Variants in CAMK2A observed in about 807,000 individuals in gnomAD.
CAMK2A encodes the protein calcium/calmodulin dependent protein kinase II alpha.
In CAMK2A, 7 loss-of-function variants were observed where a neutral mutation model predicts 79.2. The observed-to-expected ratio is 0.09, with a 90% CI of 0.05 to 0.17. The LOEUF (loss-of-function observed/expected upper bound fraction) is 0.17. Among genes scored for constraint, CAMK2A ranks in the 10% least tolerant of loss-of-function variants. CAMK2A has a pLI of 1.00. For missense variants in CAMK2A, 214 were observed against 646.4 expected (o/e 0.33, Z 7.25); for synonymous variants, 242 against 251.7 (o/e 0.96, Z 0.36).
At chr5:150,259,896 G>A (rs1756228621) in intron 3 of CAMK2A, among the ~76,000 whole-genome samples, 1 of 152,050 alleles carries the variant, frequency 6.6e-6, no homozygotes, top group Admixed American at 6.6e-5. Context: ...TTGAACCCAG[G>A]AGACGGAGGT....
At chr5:150,243,695 C>T (rs893032557) in intron 13 of CAMK2A, among the ~76,000 whole-genome samples, 49 of 152,218 alleles carry the variant, frequency 3.2e-4, no homozygotes, top group African/African-American at 1.2e-3. Flanking sequence ...GTGTGTATTA[C>T]ATACCAGCAC....
intron 13 of CAMK2A, among the ~76,000 whole-genome samples, chr5:150,243,868 A>T (rs914577165): frequency 6.6e-6 from 1 of 152,150 alleles, no homozygotes; most frequent in Non-Finnish European, 1.5e-5. Context: ...GGCTCTCTTC[A>T]CCATGATCAT....
intron 3 of CAMK2A, among the ~76,000 whole-genome samples, chr5:150,263,697 T>G (rs558131362): frequency 6.6e-6 from 1 of 152,292 alleles, no homozygotes; most frequent in African/African-American, 2.4e-5. Context: ...CTCCTTCCAC[T>G]GGAGCTGGTA....
At chr5:150,285,501 G>A (rs1757387675) in intron 1 of CAMK2A, among the ~76,000 whole-genome samples, 1 of 152,214 alleles carries the variant, frequency 6.6e-6, no homozygotes, top group African/African-American at 2.4e-5. Context: ...AGATGTTAGA[G>A]TTTGGGTCCC....
intron 15 of CAMK2A, among the ~76,000 whole-genome samples, chr5:150,237,598 G>A (rs1755139274): frequency 6.6e-6 from 1 of 151,722 alleles, no homozygotes; most frequent in African/African-American, 2.4e-5. Context: ...TCTAGAATCC[G>A]ACTGCCTGAG....
chr5:150,223,419 T>C lies in CAMK2A; in HGVS notation c.1238-202A>G, dbSNP rs572543250. ...ATGATGGGGACATCACATCCTAGTT[T>C]AGATACAGTGGAGTTCAGACATGCA... On this transcript the variant is annotated intron_variant, in intron 17 of 18. Transcript: ENST00000671881. The surrounding 1 kb of genome is among the most constrained non-coding windows in gnomAD (Gnocchi z 4.1). 6.6e-6 allele frequency among the ~76,000 whole-genome samples: 1 copy of C among 152,190 alleles called. No individual in the cohort carries two copies. The highest frequency in any genetic ancestry group is 1.5e-5 in the Non-Finnish European group (1 of 68,022).
rs769617415 is a variant in CAMK2A at position 150,231,396 on chromosome 5, G to T, written c.1067-16C>A. On this transcript the variant is annotated splice_polypyrimidine_tract_variant and intron_variant, in intron 15 of 18. Transcript: ENST00000671881. ...TGTTTCCGCACTGTAAGGCAGAAGG[G>T]GACACAGAAATAATAATAATAATAA... 2 of 1,186,132 alleles carry T rather than the reference G, an allele frequency of 1.7e-6. No individual in the cohort carries two copies. Among genetic ancestry groups the T allele is most frequent in the Non-Finnish European group, 2.3e-6 (2 of 870,758 alleles). The allele number at this position is 1,186,132 out of a possible 1,614,324, so 73.5% of individuals were successfully genotyped here.
intron 2 of CAMK2A, 110 bp from the exon 3 acceptor site, chr5:150,265,125 GGCTGGGAAA>G: frequency 1.2e-6 from 1 of 813,652 alleles, no homozygotes; most frequent in Non-Finnish European, 2.1e-6. Context: ...AGCCCCTGGG[GGCTGGGAAA>G]GCTCACCTTC....
intron 2 of CAMK2A, 46 bp from the exon 3 acceptor site, chr5:150,265,061 T>A: frequency 7.2e-7 from 1 of 1,388,920 alleles, no homozygotes; most frequent in Admixed American, 1.7e-5. Flanking sequence ...GAAGGAACCA[T>A]TACCCTCCAT....
rs950634715 is a variant in CAMK2A, at chr5:150,284,556, C to T, written c.62+5008G>A. Among the ~76,000 whole-genome samples, 5 of 151,922 alleles carry T rather than the reference C, an allele frequency of 3.3e-5. No homozygotes were observed. Among genetic ancestry groups the T allele is most frequent in the African/African-American group, 9.7e-5 (4 of 41,336 alleles). On this transcript the variant is annotated intron_variant, in intron 1 of 18. Coordinates refer to ENST00000671881, the MANE Select transcript of CAMK2A (RefSeq NM_015981.4). The surrounding 1 kb of genome is among the most constrained non-coding windows in gnomAD (Gnocchi z 5.3). ...CAGTGTGTCTCAGCCTGTGTGGGGG[C>T]GGCTGCGCGGGGGCGGAGGGCTGCA...
intron 2 of CAMK2A, 59 bp downstream of exon 2, chr5:150,273,006 C>T: frequency 7.5e-7 from 1 of 1,336,946 alleles, no homozygotes; most frequent in Non-Finnish European, 1.1e-6. Flanking sequence ...CCAAGCAGTA[C>T]AGGTAAGGGG....
At chr5:150,283,828 A>C (rs1251378492) in intron 1 of CAMK2A, among the ~76,000 whole-genome samples, 1 of 152,170 alleles carries the variant, frequency 6.6e-6, no homozygotes, top group African/African-American at 2.4e-5. Flanking sequence ...TACCCCGCCC[A>C]GGAAATACCT....
At chr5:150,281,491 T>C (rs999840238) in intron 1 of CAMK2A, among the ~76,000 whole-genome samples, 7 of 152,226 alleles carry the variant, frequency 4.6e-5, no homozygotes, top group Admixed American at 3.9e-4. Flanking sequence ...CAGAACCTTG[T>C]ATAGCCCATA....
At chr5:150,288,123 A>G (rs1757505616) in intron 1 of CAMK2A, among the ~76,000 whole-genome samples, 1 of 152,014 alleles carries the variant, frequency 6.6e-6, no homozygotes, top group East Asian at 1.9e-4. Flanking sequence ...GCGTGTGCAC[A>G]CACACGTACA....
At chr5:150,244,050 G>A (rs948537378) in intron 13 of CAMK2A, among the ~76,000 whole-genome samples, 1 of 152,202 alleles carries the variant, frequency 6.6e-6, no homozygotes, top group Non-Finnish European at 1.5e-5. Flanking sequence ...AAATAATTAT[G>A]TATTCCTCTA....
chr5:150,248,047 G>A (rs1163476137), intron 11 of CAMK2A, among the ~76,000 whole-genome samples: 1 of 152,180 alleles, frequency 6.6e-6, no homozygotes, highest in Non-Finnish European at 1.5e-5. Flanking sequence ...ACAGCTCCTG[G>A]GACAAGGCCG....
At chr5:150,235,405 G>A (rs1445853605) in intron 15 of CAMK2A, among the ~76,000 whole-genome samples, 2 of 152,202 alleles carry the variant, frequency 1.3e-5, no homozygotes, top group Admixed American at 1.3e-4. Flanking sequence ...TCTGCCAGCT[G>A]TTCACCCAGA....
At chr5:150,272,934 G>C in intron 2 of CAMK2A, 131 bp downstream of exon 2, 2 of 697,284 alleles carry the variant, frequency 2.9e-6, no homozygotes, top group Admixed American at 4.6e-5. Context: ...ACCCCGGGAA[G>C]AGCAGCCCCC....
intron 9 of CAMK2A, among the ~76,000 whole-genome samples, chr5:150,251,255 GTAGT>G (rs753838300): frequency 6.6e-6 from 1 of 152,190 alleles, no homozygotes; most frequent in Non-Finnish European, 1.5e-5. Context: ...ATATAGCTTG[GTAGT>G]TAGAAGCATG....
Sources: allele counts gnomAD v4.1 joint callset (sites outside exome capture counted in the v4.1 genomes callset), GRCh38; gene constraint gnomAD v4.1.1; non-coding constraint Gnocchi (gnomAD v3.1); transcripts MANE v1.5; gene names NCBI Gene and HGNC (gene_info 2026-07-23, HGNC 2026-07-21).